PDE3A: variants seen among roughly 807,000 people sequenced by gnomAD.
The protein encoded by PDE3A is cGMP-inhibited 3',5'-cyclic phosphodiesterase 3A.
A neutral mutation model predicts 98.3 loss-of-function variants in PDE3A; 43 were observed. The observed-to-expected ratio is 0.44, with a 90% CI of 0.34 to 0.56. PDE3A has a LOEUF of 0.56. PDE3A is among the 20% of genes least tolerant of loss of function. The probability of loss-of-function intolerance (pLI) is 0.01; values close to 1 mark genes in which losing one functional copy is unlikely to be tolerated. For synonymous variants in PDE3A, 663 were observed against 567.9 expected (o/e 1.17, Z -2.38); for missense variants, 1,427 against 1,440.7 (o/e 0.99, Z 0.15).
At chr12:20,637,520 A>C (rs896412064) in intron 9 of PDE3A, among the ~76,000 whole-genome samples, 1 of 152,202 alleles carries the variant, frequency 6.6e-6, no homozygotes, top group African/African-American at 2.4e-5. Flanking sequence ...TAGAATTCAT[A>C]GAATTAAGCA....
intron 1 of PDE3A, among the ~76,000 whole-genome samples, chr12:20,455,656 T>A (rs1945140899): frequency 6.6e-6 from 1 of 152,218 alleles, no homozygotes; most frequent in Admixed American, 6.5e-5. Context: ...ATCCCTGTCA[T>A]GTCTCTATGT....
At chr12:20,507,922 C>T (rs935775276) in intron 1 of PDE3A, among the ~76,000 whole-genome samples, 2 of 152,038 alleles carry the variant, frequency 1.3e-5, no homozygotes, top group Admixed American at 6.6e-5. Context: ...ATAAATTAGC[C>T]CGAGTGATCC....
In PDE3A at chr12:20,687,938, C is replaced by T. The variant is rs1226849100; in HGVS notation, c.*7667C>T. On this transcript the variant is annotated 3_prime_UTR_variant, in exon 16 of 16. Coordinates refer to ENST00000359062, the MANE Select transcript of PDE3A (RefSeq NM_000921.5). Reference sequence around the variant, plus strand: ...AGAAAAAAAAAAAAAAAAAAAAAAACTGGCATTGGCAAGTTTTAATTAATA... The same window carrying T: ...AGAAAAAAAAAAAAAAAAAAAAAAATTGGCATTGGCAAGTTTTAATTAATA... 2.7e-5 allele frequency among the ~76,000 whole-genome samples: 2 copies of T among 74,514 alleles called. No individual in the cohort carries two copies. Among genetic ancestry groups the T allele is most frequent in the African/African-American group, 1.0e-4 (2 of 19,066 alleles). The allele number at this position is 74,514 out of a possible 152,430, so 48.9% of individuals were successfully genotyped here.
chr12:20,426,116 TGAG>T (rs1226441616), intron 1 of PDE3A, among the ~76,000 whole-genome samples: 2 of 152,246 alleles, frequency 1.3e-5, no homozygotes, highest in East Asian at 3.9e-4. Context: ...TTAATGCTGT[TGAG>T]GAAAATTTTA....
chr12:20,599,253 C>G (rs531827824), intron 2 of PDE3A, among the ~76,000 whole-genome samples: 23 of 152,206 alleles, frequency 1.5e-4, no homozygotes, highest in African/African-American at 5.5e-4. Flanking sequence ...GTTCTTTCAC[C>G]TCACCAGGAT....
chr12:20,418,402 T>G (rs1387369307), intron 1 of PDE3A, among the ~76,000 whole-genome samples: 2 of 152,194 alleles, frequency 1.3e-5, no homozygotes, highest in Non-Finnish European at 2.9e-5. Context: ...GTTTGTGGCC[T>G]GACTGAATTA....
chr12:20,552,635 C>A lies in PDE3A; in HGVS notation c.961-4025C>A. Reference sequence around the variant, plus strand: ...TCCCCGCGCCGGACATCCAAGAAAACCAAGGTGGAGCCCTACAGTCTCACG... The same window carrying A: ...TCCCCGCGCCGGACATCCAAGAAAAACAAGGTGGAGCCCTACAGTCTCACG... On this transcript the variant is annotated intron_variant, in intron 1 of 15. Transcript: ENST00000359062. The surrounding 1 kb of genome is among the most constrained non-coding windows in gnomAD (Gnocchi z 5.1). The A allele has an allele frequency of 1.2e-6, 2 of 1,613,838 alleles. No homozygotes were observed. The highest frequency in any genetic ancestry group is 1.7e-6 in the Non-Finnish European group (2 of 1,179,790).
At chr12:20,579,408 T>C (rs571105031) in intron 2 of PDE3A, among the ~76,000 whole-genome samples, 1 of 147,352 alleles carries the variant, frequency 6.8e-6, no homozygotes, top group African/African-American at 2.5e-5. Flanking sequence ...CTTTTTTTTT[T>C]ATCCTTGCAA....
chr12:20,606,923 T>TAATA (rs1943723791), intron 2 of PDE3A, among the ~76,000 whole-genome samples: 1 of 151,264 alleles, frequency 6.6e-6, no homozygotes, highest in Non-Finnish European at 1.5e-5. Flanking sequence ...AAAGTATGTA[T>TAATA]AATATTGATT....
At chr12:20,627,466 A>T (rs996306202) in intron 5 of PDE3A, among the ~76,000 whole-genome samples, 19 of 151,962 alleles carry the variant, frequency 1.3e-4, no homozygotes, top group Middle Eastern at 6.8e-3. Context: ...TGCTCCTCTG[A>T]CATCCCCCAG....
chr12:20,377,070 T>TATGTGC (rs951889888), intron 1 of PDE3A, among the ~76,000 whole-genome samples: 2 of 151,846 alleles, frequency 1.3e-5, no homozygotes, highest in Non-Finnish European at 1.5e-5. Flanking sequence ...GAAGTGTGTG[T>TATGTGC]ATGTGCATGT....
intron 1 of PDE3A, among the ~76,000 whole-genome samples, chr12:20,380,093 G>A (rs912872215): frequency 6.6e-6 from 1 of 151,838 alleles, no homozygotes; most frequent in African/African-American, 2.4e-5. Flanking sequence ...GGCTCTGACA[G>A]GTGCTCTTCA....
At position 20,631,914 on chromosome 12, in the gene PDE3A, G is replaced by T. The variant is rs528406274; in HGVS notation, c.1761-1779G>T. Among the ~76,000 whole-genome samples the T allele has an allele frequency of 2.1e-3, 306 of 144,322 alleles. 2 individuals carry two copies. Among genetic ancestry groups the T allele is most frequent in the African/African-American group, 7.6e-3 (296 of 38,794 alleles). 94.7% of individuals were successfully genotyped at this position (144,322 alleles called of 152,430 possible). A position where few individuals can be genotyped will look rare whatever the true frequency, so the allele number is the denominator to read the frequency against. On this transcript the variant is annotated intron_variant, in intron 6 of 15. Transcript: ENST00000359062. The stretch of plus-strand genomic sequence containing the variant: ...GCAGCCACCCATGTAGGCACAGAGA[G>T]CTCCAGAAACACACAACTAATTGTT...
intron 1 of PDE3A, among the ~76,000 whole-genome samples, chr12:20,457,998 G>T (rs1945181139): frequency 6.6e-6 from 1 of 151,974 alleles, no homozygotes; most frequent in Non-Finnish European, 1.5e-5. Context: ...TGACAGATAT[G>T]ATCATTTACC....
intron 8 of PDE3A, among the ~76,000 whole-genome samples, chr12:20,635,595 AGAAAG>A: frequency 7.4e-6 from 1 of 135,948 alleles, no homozygotes; most frequent in Non-Finnish European, 1.7e-5. Context: ...AAAAAAAGAA[AGAAAG>A]AAATTACCCA....
At chr12:20,508,776 C>T (rs1237038248) in intron 1 of PDE3A, among the ~76,000 whole-genome samples, 1 of 149,756 alleles carries the variant, frequency 6.7e-6, no homozygotes, top group African/African-American at 2.5e-5. Flanking sequence ...TTTTTGTGAG[C>T]TCAAATACTT....
At chr12:20,545,800 A>G (rs370913462) in intron 1 of PDE3A, among the ~76,000 whole-genome samples, 4,977 of 151,790 alleles carry the variant, frequency 0.033, 270 homozygotes, top group African/African-American at 0.11. Context: ...ACAAAACAAA[A>G]CAAAACAAAA....
chr12:20,639,960 A>G lies in PDE3A; in HGVS notation c.2251+3A>G. 1 of 1,180,900 alleles carries G rather than the reference A, an allele frequency of 8.5e-7. No individual in the cohort carries two copies. Among genetic ancestry groups the G allele is most frequent in the Non-Finnish European group, 1.3e-6 (1 of 787,648 alleles). 73.2% of individuals were successfully genotyped at this position (1,180,900 alleles called of 1,614,324 possible). A position where few individuals can be genotyped will look rare whatever the true frequency, so the allele number is the denominator to read the frequency against. On this transcript the variant is annotated splice_donor_region_variant and intron_variant, in intron 10 of 15. Transcript: ENST00000359062. ...GATTGGATATAGGGATATTCCTTGT[A>G]AGTATATGTGATTTGTGAAATAATA...
intron 1 of PDE3A, among the ~76,000 whole-genome samples, chr12:20,463,835 A>G (rs1385316654): frequency 6.6e-6 from 1 of 152,174 alleles, no homozygotes; most frequent in East Asian, 1.9e-4. Context: ...ATATTTTGGC[A>G]TAGTTCCTTT....
Sources: gnomAD v4.1 joint callset for allele counts (sites outside exome capture counted in the v4.1 genomes callset) on GRCh38, gnomAD v4.1.1 for gene constraint, Gnocchi (gnomAD v3.1) non-coding constraint, MANE v1.5 for transcripts, NCBI Gene and HGNC (gene_info 2026-07-23, HGNC 2026-07-21) for gene names.